VWCE: variants seen among roughly 807,000 people sequenced by gnomAD.
VWCE encodes von Willebrand factor C and EGF domains.
In VWCE, 68 loss-of-function variants were observed where a neutral mutation model predicts 102.9. That is an observed-to-expected ratio of 0.66 (90% CI 0.54 to 0.81). VWCE has a LOEUF of 0.81. Among genes scored for constraint, VWCE ranks in the 30% least tolerant of loss-of-function variants. The probability of loss-of-function intolerance (pLI) is 0.00; values close to 1 mark genes in which losing one functional copy is unlikely to be tolerated. For missense variants in VWCE, 1,137 were observed against 1,263.6 expected (o/e 0.90, Z 1.52); for synonymous variants, 497 against 515.4 (o/e 0.96, Z 0.48).
chr11:61,267,739 C>T (rs1854556392), intron 15 of VWCE, among the ~76,000 whole-genome samples, 195 bp from the exon 16 acceptor site: 2 of 152,182 alleles, frequency 1.3e-5, no homozygotes, highest in South Asian at 4.1e-4. Flanking sequence ...TTTTTTCCCA[C>T]TGGATTCAGC....
chr11:61,261,577 A>C (rs2134728176), intron 19 of VWCE, among the ~76,000 whole-genome samples: 1 of 142,582 alleles, frequency 7.0e-6, no homozygotes, highest in Middle Eastern at 3.5e-3. Context: ...CCTTGTCTCT[A>C]AAAAAAAAAA....
Position 61,282,830 on chromosome 11 carries a change from C to G in VWCE, c.617G>C (p.Arg206Pro), listed in dbSNP as rs749146748. The G allele has an allele frequency of 2.5e-6, 4 of 1,614,204 alleles. No homozygotes were observed. The Admixed American group carries it at 5.0e-5, about 20-fold the overall frequency. ...NSIGSYKCSC[R>P]TGFHLHGNRH... ...GTTGCCATGAAGGTGGAAGCCAGTT[C>G]GACAGGAACACTTGTAGCTGCCAAT... Residue 206 changes from arginine to proline, a missense_variant, in exon 6 of 20, where the codon CGA becomes CCA. Arg to Pro is a moderately radical substitution (Grantham distance 103). Around this residue, in one of 5 missense-constraint regions of VWCE, gnomAD observed 575 missense variants for 625.9 expected, o/e 0.92. Coordinates refer to ENST00000335613, the MANE Select transcript of VWCE (RefSeq NM_152718.2).
At chr11:61,264,435 G>A in intron 19 of VWCE, 52 bp downstream of exon 19, 1 of 1,558,688 alleles carries the variant, frequency 6.4e-7, no homozygotes, top group South Asian at 1.2e-5. Flanking sequence ...GGGAAGAAAA[G>A]TAAAATGGAA....
intron 11 of VWCE, among the ~76,000 whole-genome samples, chr11:61,275,721 C>T (rs1028088691): frequency 3.9e-5 from 6 of 152,140 alleles, no homozygotes; most frequent in Non-Finnish European, 7.4e-5. Flanking sequence ...TTCTGGTAAG[C>T]GCCCCACACA....
chr11:61,266,724 T>C (rs113560705), intron 16 of VWCE, among the ~76,000 whole-genome samples: 2 of 152,144 alleles, frequency 1.3e-5, no homozygotes, highest in Admixed American at 6.6e-5. Context: ...GCAAAGACTC[T>C]CTCTGTGCCT....
At position 61,280,875 on chromosome 11, in the gene VWCE, G is replaced by T; in HGVS notation, c.1148C>A (p.Pro383His). Residue 383 changes from proline (P) to histidine (H), a missense_variant, in exon 8 of 20, where the codon CCC becomes CAC. Physicochemically the swap from Pro to His is moderately conservative, Grantham distance 77 (BLOSUM62 -2). This residue lies in a region of VWCE where 575 missense variants were observed against 625.9 expected (regional missense o/e 0.92). Coordinates refer to ENST00000335613, the MANE Select transcript of VWCE (RefSeq NM_152718.2). ...GGCTCCCAGGTGCCAGCAGGGAGAG[G>T]GCCCTGCTGCCAGTCGGGGGGACTC... ...GPESPRLAAG[P>H]SPCWHLGAMH... The T allele has an allele frequency of 6.5e-7, 1 of 1,534,784 alleles. No individual in the cohort carries two copies.
intron 1 of VWCE, among the ~76,000 whole-genome samples, chr11:61,292,928 C>A (rs1010228830): frequency 6.6e-6 from 1 of 151,036 alleles, no homozygotes; most frequent in Non-Finnish European, 1.5e-5. Context: ...GCCAACATGG[C>A]AAAACCCTGT....
Position 61,291,246 on chromosome 11 carries a change from C to T in VWCE, c.295+18G>A. ...CTCATTCATCTGTTCCCATCAGCCC[C>T]TTCCCATCCCCAGTTACCTGGGCAG... On this transcript the variant is annotated intron_variant, in intron 3 of 19. Coordinates refer to ENST00000335613, the MANE Select transcript of VWCE (RefSeq NM_152718.2). 6.4e-7 allele frequency: 1 copy of T among 1,558,890 alleles called. No homozygotes were observed. The highest frequency in any genetic ancestry group is 2.3e-5 in the East Asian group (1 of 44,346).
chr11:61,281,816 T>C lies in VWCE; in HGVS notation c.757A>G (p.Arg253Gly). The C allele has an allele frequency of 6.2e-7, 1 of 1,613,672 alleles. No homozygotes were observed. The highest frequency in any genetic ancestry group is 8.5e-7 in the Non-Finnish European group (1 of 1,179,750). The change falls in exon 7 of 20, where the codon AGG becomes GGG. Residue 253 changes from arginine (R) to glycine (G), a missense_variant. By Grantham distance (125) the Arg-to-Gly change is moderately radical (BLOSUM62 -2). Coordinates refer to ENST00000335613, the MANE Select transcript of VWCE (RefSeq NM_152718.2). Reference protein sequence around the residue: ...SFLCTCRPGFRLRADRVSCEA... With the variant: ...SFLCTCRPGFGLRADRVSCEA... ...CAGGACACGCGGTCAGCTCGGAGCC[T>C]GAAGCCAGGTCGGCATGTGCATAGG...
chr11:61,291,069 C>T, intron 3 of VWCE, 142 bp from the exon 4 acceptor site: 1 of 1,375,144 alleles, frequency 7.3e-7, no homozygotes, highest in Non-Finnish European at 9.7e-7. Context: ...CTGCCATTTA[C>T]CAGCTGTGTG....
chr11:61,290,753 T>G (rs1855475976), intron 4 of VWCE, 46 bp downstream of exon 4: 5 of 1,569,254 alleles, frequency 3.2e-6, no homozygotes, highest in East Asian at 2.3e-5. Flanking sequence ...GAGATATAAT[T>G]CCCGCTGTCC....
chr11:61,270,350 G>A (rs1385660383), intron 14 of VWCE, among the ~76,000 whole-genome samples: 4 of 152,182 alleles, frequency 2.6e-5, no homozygotes, highest in Non-Finnish European at 4.4e-5. Flanking sequence ...GCAGGGCCTC[G>A]AAAGGCTGCA....
chr11:61,288,155 C>CAAAAAA (rs397978316), intron 4 of VWCE, among the ~76,000 whole-genome samples: 9 of 37,256 alleles, frequency 2.4e-4, no homozygotes, highest in African/African-American at 7.3e-4. Flanking sequence ...GACTCTGTCT[C>CAAAAAA]AAAAAAAAAA....
In VWCE at chr11:61,258,938, G is replaced by A. The variant is rs1175149781; in HGVS notation, c.2605C>T (p.Pro869Ser). Residue 869 changes from proline to serine, a missense_variant, in exon 20 of 20, where the codon CCT (proline) becomes TCT (serine). Coordinates refer to ENST00000335613, the MANE Select transcript of VWCE (RefSeq NM_152718.2). ...LASPGAPQPP[P>S]VTPERSFSAS... is the part of the protein sequence containing the mutation. ...GAGAACGAGCGCTCTGGAGTCACAG[G>A]AGGTGGCTGAGGAGCCCCTGGGGAA... 6 of 1,560,122 alleles carry A rather than the reference G, an allele frequency of 3.8e-6. No homozygotes were observed. Among genetic ancestry groups the A allele is most frequent in the Admixed American group, 2.0e-5 (1 of 51,202 alleles).
At position 61,287,600 on chromosome 11, in the gene VWCE, A is replaced by G. The variant is rs558935879; in HGVS notation, c.425-1170T>C. On this transcript the variant is annotated intron_variant, in intron 4 of 19. Coordinates refer to ENST00000335613, the MANE Select transcript of VWCE (RefSeq NM_152718.2). Reference sequence around the variant, plus strand: ...TCACGGTCTGATAACACAGGAGCCAAGACACACACCCAGGGGAGAACAGTG... The same window carrying G: ...TCACGGTCTGATAACACAGGAGCCAGGACACACACCCAGGGGAGAACAGTG... Among the ~76,000 whole-genome samples, 37 of 152,344 alleles carry G rather than the reference A, an allele frequency of 2.4e-4. No homozygotes were observed. The South Asian group carries it at 7.7e-3, about 32-fold the overall frequency.
In VWCE at chr11:61,281,780, G is replaced by A. The variant is rs759796751; in HGVS notation, c.787+6C>T. Reference sequence around the variant, plus strand: ...AGCCGCCGGGATGGAGGGGCCTGGCGCTCACCTTCACAGGACACGCGGTCA... The same window carrying A: ...AGCCGCCGGGATGGAGGGGCCTGGCACTCACCTTCACAGGACACGCGGTCA... On this transcript the variant is annotated splice_donor_region_variant and intron_variant, in intron 7 of 19. Coordinates refer to ENST00000335613, the MANE Select transcript of VWCE (RefSeq NM_152718.2). 18 of 1,608,338 alleles carry A rather than the reference G, an allele frequency of 1.1e-5. No individual in the cohort carries two copies. The East Asian group carries it at 1.6e-4, about 14-fold the overall frequency.
chr11:61,280,570 G>T, intron 9 of VWCE, 54 bp downstream of exon 9: 1 of 1,567,532 alleles, frequency 6.4e-7, no homozygotes, highest in Non-Finnish European at 8.7e-7. Context: ...GCTGCAGGAG[G>T]GTGCAGAGAA....
intron 3 of VWCE, 143 bp downstream of exon 3, chr11:61,291,121 T>C (rs1855490521): frequency 8.2e-7 from 1 of 1,220,682 alleles, no homozygotes; most frequent in South Asian, 1.6e-5. Context: ...AGTTTCTTCA[T>C]CTATAAAATG....
At position 61,294,885 on chromosome 11, in the gene VWCE, G is replaced by C; in HGVS notation, c.110+43C>G. ...CGCCTCTCGACTGCACGCCGGTAGC[G>C]CTCTCCCGGGCGGGGGAGCGGGGAG... On this transcript the variant is annotated intron_variant, in intron 1 of 19. Transcript: ENST00000335613. This position sits in a 1 kb window ranked among gnomAD's most constrained non-coding sequence, Gnocchi z 6.3. 7.6e-7 allele frequency: 1 copy of C among 1,314,016 alleles called. No individual in the cohort carries two copies. Among genetic ancestry groups the C allele is most frequent in the South Asian group, 1.7e-5 (1 of 57,974 alleles). The allele number at this position is 1,314,016 out of a possible 1,614,324, so 81.4% of individuals were successfully genotyped here.
Sources: gnomAD v4.1 joint callset for allele counts (sites outside exome capture counted in the v4.1 genomes callset) on GRCh38, gnomAD v4.1.1 for gene constraint, gnomAD v4.1.1 regional missense constraint, Gnocchi (gnomAD v3.1) non-coding constraint, MANE v1.5 for transcripts, NCBI Gene and HGNC (gene_info 2026-07-23, HGNC 2026-07-21) for gene names.